Variants in RUBCN observed in about 807,000 individuals in gnomAD.
RUBCN encodes run domain Beclin-1-interacting and cysteine-rich domain-containing protein.
Under a neutral mutation model 113.2 loss-of-function variants are expected in RUBCN, and 74 were observed. The ratio of observed to expected loss-of-function variants is 0.65; its 90% CI spans 0.54 to 0.79. The LOEUF is 0.79. Ranked by LOEUF, RUBCN falls within the 30% of genes least tolerant of loss-of-function variation. The pLI, the probability that RUBCN is intolerant of heterozygous loss-of-function variation, is 0.00. For synonymous variants in RUBCN, 480 were observed against 490.0 expected, an observed-to-expected ratio of 0.98 and a Z score of 0.27; for missense variants, 1,109 against 1,251.7, an observed-to-expected ratio of 0.89 and a Z score of 1.72.
At chr3:197,702,475 C>T (rs1458075531) in intron 5 of RUBCN, among the ~76,000 whole-genome samples, 4 of 152,084 alleles carry the variant, frequency 2.6e-5, no homozygotes, top group Non-Finnish European at 4.4e-5. Context: ...CCAGCCTGGC[C>T]AACATGGTGA....
chr3:197,735,343 G>T (rs1298650750), intron 1 of RUBCN, among the ~76,000 whole-genome samples: 3 of 152,242 alleles, frequency 2.0e-5, no homozygotes, highest in Non-Finnish European at 4.4e-5. Context: ...AGGCTGCAGT[G>T]AGCCGTGTTC....
intron 1 of RUBCN, among the ~76,000 whole-genome samples, chr3:197,745,501 G>C (rs988498375): frequency 9.2e-5 from 14 of 151,572 alleles, no homozygotes; most frequent in Non-Finnish European, 1.2e-4. Context: ...TGAAATCCCA[G>C]CTACTTGGGA....
chr3:197,669,256 A>C lies in RUBCN; in HGVS notation c.*5762T>G, dbSNP rs567468925. 6.6e-6 allele frequency among the ~76,000 whole-genome samples: 1 copy of C among 152,318 alleles called. No individual in the cohort carries two copies. Among genetic ancestry groups the C allele is most frequent in the South Asian group, 2.1e-4 (1 of 4,828 alleles). ...TTTAACTAAACTCCAAATTGTATTC[A>C]GATTTTGCCAGTTTTTTCACTAATA... On this transcript the variant is annotated 3_prime_UTR_variant, in exon 20 of 20. Coordinates refer to ENST00000296343, the MANE Select transcript of RUBCN (RefSeq NM_014687.4).
At chr3:197,704,511 C>T in intron 4 of RUBCN, 31 bp downstream of exon 4, 2 of 1,607,256 alleles carry the variant, frequency 1.2e-6, no homozygotes. Context: ...CGAGGAAGCA[C>T]AGATGACAGT....
intron 4 of RUBCN, 152 bp downstream of exon 4, chr3:197,704,390 C>A (rs562901655): frequency 2.6e-6 from 2 of 766,494 alleles, no homozygotes; most frequent in Middle Eastern, 3.7e-4. Flanking sequence ...GCCGAGATCA[C>A]GCCATTGCAC....
At position 197,681,418 on chromosome 3, in the gene RUBCN, G is replaced by A. The variant is rs763106821; in HGVS notation, c.2192-51C>T. On this transcript the variant is annotated intron_variant, in intron 15 of 19. Transcript: ENST00000296343. The surrounding 1 kb of genome is among the most constrained non-coding windows in gnomAD (Gnocchi z 5.5). The stretch of plus-strand genomic sequence containing the variant: ...CCAGATGTAACTTTCCCATCTACAA[G>A]CTGGGAAGGCAGCTCTGCTTTTCCC... 4.3e-6 allele frequency: 6 copies of A among 1,392,134 alleles called. No homozygotes were observed. In the South Asian group the frequency reaches 6.9e-5, roughly 16 times the overall value. 86.2% of individuals were successfully genotyped at this position (1,392,134 alleles called of 1,614,324 possible).
In RUBCN at chr3:197,675,197, C is replaced by T; in HGVS notation, c.2741-1G>A. 6.2e-7 allele frequency: 1 copy of T among 1,614,090 alleles called. No homozygotes were observed. The highest frequency in any genetic ancestry group is 8.5e-7 in the Non-Finnish European group (1 of 1,180,034). On this transcript the variant is annotated splice_acceptor_variant, in intron 19 of 19. Transcript: ENST00000296343. LOFTEE classifies it high-confidence loss of function. The surrounding 1 kb of genome is among the most constrained non-coding windows in gnomAD (Gnocchi z 4.4). Reference sequence around the variant, plus strand: ...GCTTTATGGTAACACGCTTTACACTCTACTCAGGTTGGGAAGGTGGGGGAG... The same window carrying T: ...GCTTTATGGTAACACGCTTTACACTTTACTCAGGTTGGGAAGGTGGGGGAG...
intron 1 of RUBCN, among the ~76,000 whole-genome samples, chr3:197,725,664 A>G (rs1270576941): frequency 6.6e-6 from 1 of 151,866 alleles, no homozygotes; most frequent in African/African-American, 2.4e-5. Flanking sequence ...CACGCAGCCA[A>G]AGGAGAATCT....
chr3:197,724,327 C>T (rs1553901995), intron 1 of RUBCN, among the ~76,000 whole-genome samples: 1 of 152,092 alleles, frequency 6.6e-6, no homozygotes, highest in Non-Finnish European at 1.5e-5. Context: ...AAGTATTACA[C>T]TATATAACTA....
At chr3:197,679,427 C>T (rs1720916858) in intron 16 of RUBCN, among the ~76,000 whole-genome samples, 1 of 148,402 alleles carries the variant, frequency 6.7e-6, no homozygotes, top group East Asian at 2.0e-4. Flanking sequence ...CTCTAACTGA[C>T]AACTGGCTTC....
At position 197,700,825 on chromosome 3, in the gene RUBCN, C is replaced by T. The variant is rs61746427; in HGVS notation, c.1049G>A (p.Ser350Asn). The T allele has an allele frequency of 2.8e-3, 4,540 of 1,614,190 alleles. 103 individuals carry two copies. The African/African-American group carries it at 0.052, about 18-fold the overall frequency. ...QSHSSNAESS[S>N]SNLFSSSSSQ... is the part of the protein sequence containing the mutation. ...GCTGCTGGAGGAGAACAAATTGGAA[C>T]TGCTGCTCTCGGCATTGCTGCTGTG... The change falls in exon 7 of 20, where the codon AGT becomes AAT. Residue 350 changes from serine (S) to asparagine (N), a missense_variant. This residue lies in a region of RUBCN where 736 missense variants were observed against 779.6 expected (regional missense o/e 0.94). Coordinates refer to ENST00000296343, the MANE Select transcript of RUBCN (RefSeq NM_014687.4).
At chr3:197,676,393 A>G (rs565183347) in intron 18 of RUBCN, 1 of 861,574 alleles carries the variant, frequency 1.2e-6, no homozygotes, top group East Asian at 9.9e-5. Context: ...GGCTCACTGC[A>G]ACCTCCGCCT....
chr3:197,739,833 C>G (rs1349829328), upstream of RUBCN, among the ~76,000 whole-genome samples: 1 of 152,104 alleles, frequency 6.6e-6, no homozygotes, highest in African/African-American at 2.4e-5. Context: ...ACCAGGAGTT[C>G]GAAACCAGCC....
In RUBCN at chr3:197,700,868, T is replaced by C; in HGVS notation, c.1006A>G (p.Thr336Ala). 1 of 1,614,178 alleles carries C rather than the reference T, an allele frequency of 6.2e-7. No individual in the cohort carries two copies. Among genetic ancestry groups the C allele is most frequent in the Non-Finnish European group, 8.5e-7 (1 of 1,180,032 alleles). The change falls in exon 7 of 20, where the codon ACT becomes GCT. Residue 336 changes from threonine (T) to alanine (A), a missense_variant. Thr to Ala is a moderately conservative substitution (Grantham distance 58). Coordinates refer to ENST00000296343, the MANE Select transcript of RUBCN (RefSeq NM_014687.4). ...CTGCTGTGACTCTGACAGCTGGCAG[T>C]CCGGCCTCGGGGGTCCAAGTTGCCA... The part of the protein sequence containing the change: ...AIGNLDPRGR[T>A]ASCQSHSSNA...
intron 1 of RUBCN, among the ~76,000 whole-genome samples, chr3:197,725,779 G>A (rs1726673897): frequency 6.6e-6 from 1 of 152,038 alleles, no homozygotes; most frequent in African/African-American, 2.4e-5. Flanking sequence ...ACAATCAGTG[G>A]ATTTAACATA....
intron 1 of RUBCN, among the ~76,000 whole-genome samples, chr3:197,746,639 G>T (rs557400952): frequency 6.6e-6 from 1 of 152,178 alleles, no homozygotes; most frequent in African/African-American, 2.4e-5. Context: ...GGACATATTT[G>T]TACTAAACAA....
rs1356074068 is a variant in RUBCN, at chr3:197,697,027, C to A, written c.1284G>T (p.Lys428Asn). The stretch of plus-strand genomic sequence containing the variant: ...CAGAGTAGGGCAAAGGGCCTCTCAA[C>A]TTCGCCTTATCATTGCAGGATTCTA... ...GAPESCNDKAKLRGPLPYSGQ... is the reference protein window; with the variant it reads ...GAPESCNDKANLRGPLPYSGQ... The change falls in exon 8 of 20, where the codon AAG (lysine) becomes AAT (asparagine). Residue 428 changes from lysine (K) to asparagine (N), a missense_variant. Physicochemically the swap from Lys to Asn is moderately conservative, Grantham distance 94. Coordinates refer to ENST00000296343, the MANE Select transcript of RUBCN (RefSeq NM_014687.4). The A allele has an allele frequency of 6.2e-7, 1 of 1,601,820 alleles. No individual in the cohort carries two copies. Among genetic ancestry groups the A allele is most frequent in the South Asian group, 1.1e-5 (1 of 90,842 alleles).
intron 1 of RUBCN, among the ~76,000 whole-genome samples, chr3:197,719,274 A>G (rs9817721): frequency 0.16 from 23,833 of 151,884 alleles, 2,885 homozygotes; most frequent in African/African-American, 0.34. Flanking sequence ...GTCAGGAGCT[A>G]GAAACCAGCC....
chr3:197,683,391 C>T lies in RUBCN; in HGVS notation c.1896G>A (p.Gly632=). The change falls in exon 13 of 20, where the codon GGG becomes GGA. Residue 632 remains glycine (G), a synonymous_variant. Transcript: ENST00000296343. The surrounding 1 kb of genome is among the most constrained non-coding windows in gnomAD (Gnocchi z 4.6). ...GCATCCCCTCAAACTGCTTCAGGAG[C>T]CCCATGGCCACCGCCTCAGCAGACG... The part of the protein sequence containing the change: ...HSTSAEAVAM[G]LLKQFEGMQL... 1 of 1,614,176 alleles carries T rather than the reference C, an allele frequency of 6.2e-7. No homozygotes were observed. The highest frequency in any genetic ancestry group is 8.5e-7 in the Non-Finnish European group (1 of 1,180,024).
Sources: gnomAD v4.1 joint callset for allele counts (sites outside exome capture counted in the v4.1 genomes callset) on GRCh38, gnomAD v4.1.1 for gene constraint, gnomAD v4.1.1 regional missense constraint, Gnocchi (gnomAD v3.1) non-coding constraint, MANE v1.5 for transcripts, NCBI Gene and HGNC (gene_info 2026-07-23, HGNC 2026-07-21) for gene names.